IKBKB: variants seen among roughly 807,000 people sequenced by gnomAD.
The protein encoded by IKBKB is inhibitor of nuclear factor kappa B kinase subunit beta, also known as inhibitor of nuclear factor kappa-B kinase subunit beta.
A neutral mutation model predicts 113.6 loss-of-function variants in IKBKB; 42 were observed. The ratio of observed to expected loss-of-function variants is 0.37; its 90% CI spans 0.29 to 0.48. The LOEUF (loss-of-function observed/expected upper bound fraction) is 0.48, where lower values mean the gene tolerates loss of function less well. IKBKB is among the 20% of genes least tolerant of loss of function. The probability of loss-of-function intolerance (pLI) is 0.99; values close to 1 mark genes in which losing one functional copy is unlikely to be tolerated. For missense variants in IKBKB, 673 were observed against 939.7 expected (o/e 0.72, Z 3.71); for synonymous variants, 296 against 361.3 (o/e 0.82, Z 2.05).
intron 2 of IKBKB, among the ~76,000 whole-genome samples, chr8:42,273,766 T>C (rs1052727276): frequency 1.3e-5 from 2 of 152,076 alleles, no homozygotes; most frequent in African/African-American, 4.8e-5. Flanking sequence ...TTGTCCAGGC[T>C]CGTCTAGAAC....
Position 42,310,772 on chromosome 8 carries a change from T to C in IKBKB, c.692+1747T>C, listed in dbSNP as rs540011942. Among the ~76,000 whole-genome samples, 9 of 152,318 alleles carry C rather than the reference T, an allele frequency of 5.9e-5. No individual in the cohort carries two copies. In the South Asian group the frequency reaches 1.9e-3, roughly 32 times the overall value. On this transcript the variant is annotated intron_variant, in intron 8 of 21. Coordinates refer to ENST00000520810, the MANE Select transcript of IKBKB (RefSeq NM_001556.3). Reference sequence around the variant, plus strand: ...TGTCTCCAGGCTCTTCAGCGTTATATTTTTGTACTTTTTAAACAAAAATAG... The same window carrying C: ...TGTCTCCAGGCTCTTCAGCGTTATACTTTTGTACTTTTTAAACAAAAATAG...
At position 42,290,136 on chromosome 8, in the gene IKBKB, A is replaced by G. The variant is rs79010730; in HGVS notation, c.201-20A>G. 1.1e-5 allele frequency: 18 copies of G among 1,579,042 alleles called. No homozygotes were observed. The East Asian group carries it at 3.6e-4, about 31-fold the overall frequency. ...TGGGCAGGAGCCTGGGTCTGCTCTC[A>G]TCGGTTTTCCTCCTCCTAGGCTGAC... is the stretch of plus-strand genomic sequence containing the variant. On this transcript the variant is annotated intron_variant, in intron 3 of 21. Transcript: ENST00000520810.
intron 8 of IKBKB, among the ~76,000 whole-genome samples, chr8:42,312,763 A>G (rs1275065435): frequency 2.0e-5 from 3 of 152,352 alleles, no homozygotes; most frequent in Admixed American, 6.5e-5. Flanking sequence ...AGCCTCTGCC[A>G]CGCACCGGCT....
chr8:42,299,373 G>A (rs1251606582), intron 5 of IKBKB, among the ~76,000 whole-genome samples: 1 of 152,098 alleles, frequency 6.6e-6, no homozygotes, highest in African/African-American at 2.4e-5. Context: ...TCTTGGAAGG[G>A]CACTTCCATC....
intron 19 of IKBKB, chr8:42,325,717 C>A (rs1820609052): frequency 8.0e-7 from 1 of 1,252,460 alleles, no homozygotes; most frequent in Non-Finnish European, 1.0e-6. Context: ...AAAAAGCCTG[C>A]AAATTAATGT....
rs1015394979 is a variant in IKBKB, at chr8:42,321,805, C to T, written c.1689-91C>T. On this transcript the variant is annotated intron_variant, in intron 16 of 21. Transcript: ENST00000520810. ...CCCAGAAGTTCGAGACCAGCCTGGG[C>T]AACATGGTGAAACTCTACCTCTACC... is the stretch of plus-strand genomic sequence containing the variant. The T allele has an allele frequency of 1.3e-5, 11 of 873,568 alleles. No homozygotes were observed. In the African/African-American group the frequency reaches 1.7e-4, roughly 13 times the overall value. The allele number at this position is 873,568 out of a possible 1,614,324, so 54.1% of individuals were successfully genotyped here. A position where few individuals can be genotyped will look rare whatever the true frequency, so the allele number is the denominator to read the frequency against.
At chr8:42,287,158 C>T (rs1262258782) in intron 2 of IKBKB, among the ~76,000 whole-genome samples, 2 of 152,204 alleles carry the variant, frequency 1.3e-5, no homozygotes, top group Admixed American at 6.5e-5. Flanking sequence ...CCCTGCTGCC[C>T]GTGCCACAGC....
At chr8:42,317,046 G>A (rs1437887606) in intron 11 of IKBKB, 142 bp downstream of exon 11, 6 of 788,582 alleles carry the variant, frequency 7.6e-6, no homozygotes, top group Non-Finnish European at 1.3e-5. Context: ...TTTTTAAGTT[G>A]GAGTATGGTG....
At chr8:42,273,487 C>A (rs1002529438) in intron 2 of IKBKB, among the ~76,000 whole-genome samples, 6 of 151,758 alleles carry the variant, frequency 4.0e-5, no homozygotes, top group Non-Finnish European at 8.8e-5. Context: ...GCTTGCGATA[C>A]TGCACGGCAA....
At chr8:42,298,164 T>G (rs1253994652) in intron 5 of IKBKB, 1 of 985,300 alleles carries the variant, frequency 1.0e-6, no homozygotes, top group Non-Finnish European at 1.2e-6. Flanking sequence ...CAAGGGAGGC[T>G]CAAAATTCTG....
chr8:42,314,219 G>T, intron 8 of IKBKB, 103 bp from the exon 9 acceptor site: 3 of 838,174 alleles, frequency 3.6e-6, no homozygotes, highest in Non-Finnish European at 6.3e-6. Flanking sequence ...CTAGGTTTGT[G>T]TTATGTTCAC....
At chr8:42,290,119 A>G in intron 3 of IKBKB, 37 bp from the exon 4 acceptor site, 4 of 1,465,064 alleles carry the variant, frequency 2.7e-6, no homozygotes. Context: ...TCTGGGCAGG[A>G]GCCTGGGTCT....
intron 2 of IKBKB, among the ~76,000 whole-genome samples, chr8:42,285,470 G>A (rs939794368): frequency 1.2e-4 from 19 of 152,128 alleles, no homozygotes; most frequent in African/African-American, 4.3e-4. Flanking sequence ...TGGGAGGATC[G>A]CTTGAGCCCA....
chr8:42,318,574 C>T lies in IKBKB; in HGVS notation c.1263C>T (p.Leu421=), dbSNP rs754889873. The part of the protein sequence containing the change: ...SCILQEPKRN[L]AFFQLRKVWG... ...CAGTTCAAGAGCCCAAGAGGAATCT[C>T]GCCTTCTTCCAGCTGAGGAAGGTGT... The change falls in exon 13 of 22, where the codon CTC becomes CTT. Residue 421 remains leucine (L), a synonymous_variant. Coordinates refer to ENST00000520810, the MANE Select transcript of IKBKB (RefSeq NM_001556.3). The T allele has an allele frequency of 8.1e-6, 13 of 1,613,838 alleles. No homozygotes were observed. The highest frequency in any genetic ancestry group is 1.1e-5 in the South Asian group (1 of 91,068).
chr8:42,274,288 C>G (rs1325039720), intron 2 of IKBKB, among the ~76,000 whole-genome samples: 1 of 152,122 alleles, frequency 6.6e-6, no homozygotes, highest in African/African-American at 2.4e-5. Context: ...CCTCAGCCAC[C>G]CAAAGTGCTT....
At chr8:42,280,006 G>A (rs1244843301) in intron 2 of IKBKB, among the ~76,000 whole-genome samples, 6 of 152,012 alleles carry the variant, frequency 3.9e-5, no homozygotes, top group African/African-American at 1.2e-4. Flanking sequence ...GAGACACCAC[G>A]CCTGGCTAAT....
chr8:42,330,913 G>C lies in IKBKB; in HGVS notation c.2206-1G>C. Reference sequence around the variant, plus strand: ...TTTTTAACATGTCTGTTGACTTTCAGGCCCTAGACTGGAGCTGGTTACAGA... The same window carrying C: ...TTTTTAACATGTCTGTTGACTTTCACGCCCTAGACTGGAGCTGGTTACAGA... On this transcript the variant is annotated splice_acceptor_variant, in intron 21 of 21. Transcript: ENST00000520810. LOFTEE classifies it high-confidence loss of function. 2 of 1,614,226 alleles carry C rather than the reference G, an allele frequency of 1.2e-6. No individual in the cohort carries two copies. Among genetic ancestry groups the C allele is most frequent in the Non-Finnish European group, 1.7e-6 (2 of 1,180,044 alleles).
chr8:42,271,342 G>T lies in IKBKB; in HGVS notation c.-146G>T, dbSNP rs758421950. Reference sequence around the variant, plus strand: ...GAAGTGTTTGAGGAAGTCGCGCCGCGCTGCCCGCGTTAAGATTCCCGCATT... The same window carrying T: ...GAAGTGTTTGAGGAAGTCGCGCCGCTCTGCCCGCGTTAAGATTCCCGCATT... On this transcript the variant is annotated 5_prime_UTR_variant, in exon 1 of 22. Transcript: ENST00000520810. The T allele has an allele frequency of 3.2e-6, 4 of 1,249,882 alleles. No individual in the cohort carries two copies. Among genetic ancestry groups the T allele is most frequent in the Middle Eastern group, 1.8e-4 (1 of 5,418 alleles). 77.4% of individuals were successfully genotyped at this position (1,249,882 alleles called of 1,614,324 possible). A position where few individuals can be genotyped will look rare whatever the true frequency, so the allele number is the denominator to read the frequency against.
At chr8:42,320,695 C>A in intron 15 of IKBKB, 40 bp from the exon 16 acceptor site, 1 of 1,530,404 alleles carries the variant, frequency 6.5e-7, no homozygotes, top group Non-Finnish European at 9.1e-7. Flanking sequence ...TCAGCATGCG[C>A]CTACCACATC....
Sources: gnomAD v4.1 joint callset for allele counts (sites outside exome capture counted in the v4.1 genomes callset) on GRCh38, gnomAD v4.1.1 for gene constraint, MANE v1.5 for transcripts, NCBI Gene and HGNC (gene_info 2026-07-23, HGNC 2026-07-21) for gene names.